The following CD99L2 variants were observed in gnomAD, a reference collection of about 807,000 sequenced individuals.
CD99L2 encodes CD99 antigen-like protein 2.
A neutral mutation model predicts 27.3 loss-of-function variants in CD99L2; 24 were observed. The ratio of observed to expected loss-of-function variants is 0.88; its 90% CI spans 0.64 to 1.24. The LOEUF (loss-of-function observed/expected upper bound fraction) is 1.24. CD99L2 is among the 50% of genes most tolerant of loss of function. The pLI, the probability that CD99L2 is intolerant of heterozygous loss-of-function variation, is 0.00. For synonymous variants in CD99L2, 97 were observed against 87.9 expected (o/e 1.10, Z -0.58); for missense variants, 255 against 221.6 (o/e 1.15, Z -0.96).
At position 150,777,383 on chromosome X, in the gene CD99L2, G is replaced by T. The variant is rs782242860; in HGVS notation, c.535+61C>A. ...TTTTCCCTTGGCTTAGTGATTTTGG[G>T]GTCCTGAGATTCATTTTCCTTTCAC... On this transcript the variant is annotated intron_variant, in intron 8 of 10. Coordinates refer to ENST00000370377, the MANE Select transcript of CD99L2 (RefSeq NM_031462.4). 13 of 1,175,127 alleles carry T rather than the reference G, an allele frequency of 1.1e-5. No homozygotes were observed. The South Asian group carries it at 2.1e-4, about 19-fold the overall frequency.
In CD99L2 at chrX:150,870,567, A is replaced by G. The variant is rs146399006; in HGVS notation, c.67+27955T>C. On this transcript the variant is annotated intron_variant, in intron 1 of 10. Coordinates refer to ENST00000370377, the MANE Select transcript of CD99L2 (RefSeq NM_031462.4). ...GCTCTGTGGAGGTATCATACTAATC[A>G]ATGCATCAAACCCCAGAACTACAGG... Among the ~76,000 whole-genome samples, 497 of 111,714 alleles carry G rather than the reference A, an allele frequency of 4.4e-3. 2 individuals are homozygous for G. Among genetic ancestry groups the G allele is most frequent in the African/African-American group, 0.015 (459 of 30,771 alleles).
chrX:150,793,208 C>G (rs374930256), intron 7 of CD99L2, among the ~76,000 whole-genome samples: 2 of 112,056 alleles, frequency 1.8e-5, no homozygotes, highest in East Asian at 2.8e-4. Context: ...TACACATGAA[C>G]TCTCTTGAAC....
At chrX:150,822,579 T>A (rs1557420698) in intron 2 of CD99L2, among the ~76,000 whole-genome samples, 1 of 111,980 alleles carries the variant, frequency 8.9e-6, no homozygotes, top group African/African-American at 3.2e-5. Flanking sequence ...ACATGAGGAC[T>A]ATAGCTAATA....
intron 8 of CD99L2, among the ~76,000 whole-genome samples, chrX:150,776,630 T>C (rs1231965253): frequency 1.8e-5 from 2 of 111,696 alleles, no homozygotes; most frequent in East Asian, 5.6e-4. Context: ...CTTCCTTCCT[T>C]CAAATGGCTA....
intron 7 of CD99L2, among the ~76,000 whole-genome samples, chrX:150,783,964 C>T (rs931864957): frequency 2.7e-5 from 3 of 111,792 alleles, no homozygotes; most frequent in African/African-American, 9.8e-5. Flanking sequence ...CTTGAAAGAG[C>T]TGTCACGAAA....
intron 4 of CD99L2, 58 bp from the exon 5 acceptor site, chrX:150,795,544 C>T (rs2045783176): frequency 9.0e-7 from 1 of 1,109,869 alleles, no homozygotes; most frequent in Non-Finnish European, 1.2e-6. Context: ...ATGCAGCAGC[C>T]ATTCATGGCT....
At chrX:150,879,750 T>TTAAAAAA (rs1557422434) in intron 1 of CD99L2, among the ~76,000 whole-genome samples, 5 of 19,392 alleles carry the variant, frequency 2.6e-4, no homozygotes, top group Non-Finnish European at 4.3e-4. Context: ...CTACAAAAAC[T>TTAAAAAA]AAAAAAAAAA....
intron 1 of CD99L2, among the ~76,000 whole-genome samples, chrX:150,892,188 T>A (rs1407734544): frequency 9.2e-6 from 1 of 108,997 alleles, no homozygotes; most frequent in Non-Finnish European, 1.9e-5. Context: ...GCCATTGCAC[T>A]CCAGCCTGGG....
chrX:150,776,160 G>C lies in CD99L2; in HGVS notation c.655+14C>G. 8.3e-7 allele frequency: 1 copy of C among 1,209,278 alleles called. No homozygotes were observed. Among genetic ancestry groups the C allele is most frequent in the Non-Finnish European group, 1.1e-6 (1 of 894,312 alleles). ...CCAGCTGGTTCCTAGCCACGAGTGG[G>C]TGGCTGCACTTACGCTGAATGCTGA... is the stretch of plus-strand genomic sequence containing the variant. On this transcript the variant is annotated intron_variant, in intron 9 of 10. Coordinates refer to ENST00000370377, the MANE Select transcript of CD99L2 (RefSeq NM_031462.4).
chrX:150,875,676 T>C lies in CD99L2; in HGVS notation c.67+22846A>G, dbSNP rs1023816207. ...ACCCAAATCTCATCTTGAATTCCCA[T>C]GTGATGTGGGAGGGACCTGGTGGGA... On this transcript the variant is annotated intron_variant, in intron 1 of 10. Transcript: ENST00000370377. Among the ~76,000 whole-genome samples the C allele has an allele frequency of 1.2e-4, 13 of 112,189 alleles. No individual in the cohort carries two copies. In the East Asian group the frequency reaches 2.8e-3, roughly 24 times the overall value.
chrX:150,889,558 T>C (rs1276075440), intron 1 of CD99L2, among the ~76,000 whole-genome samples: 1 of 111,916 alleles, frequency 8.9e-6, no homozygotes, highest in African/African-American at 3.2e-5. Flanking sequence ...ACTGCAGTAA[T>C]ACTTCCTGTG....
intron 4 of CD99L2, among the ~76,000 whole-genome samples, chrX:150,807,213 C>A (rs1228590069): frequency 3.6e-5 from 4 of 110,803 alleles, no homozygotes; most frequent in African/African-American, 1.3e-4. Flanking sequence ...ATCTTCCATT[C>A]AGTAGGAGAG....
At chrX:150,812,232 C>T (rs782010727) in intron 4 of CD99L2, among the ~76,000 whole-genome samples, 29 of 111,887 alleles carry the variant, frequency 2.6e-4, no homozygotes, top group Non-Finnish European at 5.1e-4. Flanking sequence ...AAATCTAAAA[C>T]TTCTGCAAAG....
chrX:150,774,557 G>A (rs1308520982), intron 9 of CD99L2, among the ~76,000 whole-genome samples: 1 of 111,809 alleles, frequency 8.9e-6, no homozygotes, highest in Non-Finnish European at 1.9e-5. Context: ...GACAGCCTTG[G>A]GGCCTCTTGA....
intron 2 of CD99L2, among the ~76,000 whole-genome samples, chrX:150,817,715 T>C (rs2046183655): frequency 9.0e-6 from 1 of 111,516 alleles, no homozygotes; most frequent in Non-Finnish European, 1.9e-5. Flanking sequence ...AGGTCAGGTG[T>C]AGTGTCATGT....
rs2046440545 is a variant in CD99L2 at position 150,831,258 on chromosome X, C to T, written c.103G>A (p.Ala35Thr). The change falls in exon 2 of 11, where the codon GCA becomes ACA. Residue 35 changes from alanine (A) to threonine (T), a missense_variant. Transcript: ENST00000370377. ...GDFDDFNLED[A>T]VKETSSVKQP... is the part of the protein sequence containing the mutation. ...TTTACTGAGGAAGTTTCTTTCACTG[C>T]ATCCTCCAGGTTAAAATCATCAAAG... is the stretch of plus-strand genomic sequence containing the variant. 8.3e-7 allele frequency: 1 copy of T among 1,204,847 alleles called. No individual in the cohort carries two copies.
At chrX:150,809,102 G>A (rs951685808) in intron 4 of CD99L2, among the ~76,000 whole-genome samples, 2 of 111,259 alleles carry the variant, frequency 1.8e-5, no homozygotes, top group South Asian at 7.7e-4. Flanking sequence ...GCAGGAAAAG[G>A]CAAGGAAATA....
intron 1 of CD99L2, among the ~76,000 whole-genome samples, chrX:150,840,414 CT>C (rs782428798): frequency 3.3e-3 from 337 of 101,179 alleles, no homozygotes; most frequent in African/African-American, 4.3e-3. Flanking sequence ...CATATATAAA[CT>C]TTTTTTTTTT....
chrX:150,865,886 C>T (rs1051388500), intron 1 of CD99L2, among the ~76,000 whole-genome samples: 1 of 112,129 alleles, frequency 8.9e-6, no homozygotes, highest in Admixed American at 9.4e-5. Flanking sequence ...TTTGGGAGGC[C>T]GAGATGGGAG....
Sources: gnomAD v4.1 joint callset for allele counts (sites outside exome capture counted in the v4.1 genomes callset) on GRCh38, gnomAD v4.1.1 for gene constraint, MANE v1.5 for transcripts, NCBI Gene and HGNC (gene_info 2026-07-23, HGNC 2026-07-21) for gene names.